The following BFSP2 variants were observed in gnomAD, a reference collection of about 807,000 sequenced individuals.
BFSP2 encodes the protein beaded filament structural protein 2.
Under a neutral mutation model 44.9 loss-of-function variants are expected in BFSP2, and 38 were observed. The observed-to-expected ratio is 0.85, with a 90% confidence interval of 0.65 to 1.11. The LOEUF (loss-of-function observed/expected upper bound fraction) is 1.11. BFSP2 is among the 50% of genes least tolerant of loss of function. BFSP2 has a pLI of 0.00. For missense variants in BFSP2, 525 were observed against 533.0 expected, an observed-to-expected ratio of 0.99 and a Z score of 0.15; for synonymous variants, 197 against 209.9, an observed-to-expected ratio of 0.94 and a Z score of 0.53.
intron 4 of BFSP2, 46 bp downstream of exon 4, chr3:133,450,510 A>C (rs1205446853): frequency 1.6e-5 from 25 of 1,610,584 alleles, no homozygotes; most frequent in Non-Finnish European, 2.0e-5. Flanking sequence ...ATGCAGAAGG[A>C]GGCCACGCTG....
chr3:133,448,822 C>A, intron 3 of BFSP2, 177 bp downstream of exon 3: 1 of 800,400 alleles, frequency 1.2e-6, no homozygotes, highest in Non-Finnish European at 2.0e-6. Flanking sequence ...TCAGGTTACC[C>A]CAGCAGTCTC....
intron 4 of BFSP2, among the ~76,000 whole-genome samples, chr3:133,452,107 G>A (rs1044275232): frequency 2.5e-4 from 38 of 152,324 alleles, no homozygotes; most frequent in African/African-American, 8.7e-4. Flanking sequence ...GAGGGACTTT[G>A]TGATTTTTAA....
rs145203244 is a variant in BFSP2 at position 133,443,576 on chromosome 3, G to A, written c.490-3741G>A. On this transcript the variant is annotated intron_variant, in intron 1 of 6. Transcript: ENST00000302334. ...ATATGAGCACAGAGAAGCATCTGCCGGGCTTGGTAATACGGTGGCCTTGTT... is the reference window on the plus strand; with the variant it reads ...ATATGAGCACAGAGAAGCATCTGCCAGGCTTGGTAATACGGTGGCCTTGTT... Among the ~76,000 whole-genome samples the A allele has an allele frequency of 1.1e-3, 174 of 152,296 alleles. 1 individual carries two copies. Among genetic ancestry groups the A allele is most frequent in the African/African-American group, 3.9e-3 (164 of 41,558 alleles).
At chr3:133,415,355 C>G (rs2073511062) in intron 1 of BFSP2, among the ~76,000 whole-genome samples, 1 of 104,208 alleles carries the variant, frequency 9.6e-6, no homozygotes, top group Non-Finnish European at 2.0e-5. Context: ...CTCCCCTCTA[C>G]TCACCCCTCT....
At chr3:133,458,268 T>C (rs1259396125) in intron 4 of BFSP2, among the ~76,000 whole-genome samples, 2 of 152,260 alleles carry the variant, frequency 1.3e-5, no homozygotes, top group Non-Finnish European at 2.9e-5. Flanking sequence ...TATAGTAGCA[T>C]ATACCAGTTG....
chr3:133,442,842 G>T (rs2073858086), intron 1 of BFSP2, among the ~76,000 whole-genome samples: 1 of 151,414 alleles, frequency 6.6e-6, no homozygotes, highest in African/African-American at 2.4e-5. Flanking sequence ...GAAGATTTGT[G>T]GGGAAATTAT....
At chr3:133,450,027 A>AGGG (rs10689448) in intron 3 of BFSP2, among the ~76,000 whole-genome samples, 2 of 67,722 alleles carry the variant, frequency 3.0e-5, no homozygotes, top group African/African-American at 6.1e-5. Flanking sequence ...GGAGGGAGGG[A>AGGG]GGGGGAGGGA....
intron 1 of BFSP2, among the ~76,000 whole-genome samples, chr3:133,423,485 C>T (rs1340276735): frequency 6.7e-6 from 1 of 149,260 alleles, no homozygotes; most frequent in African/African-American, 2.5e-5. Context: ...ACCGCATGGA[C>T]TACACAGCCC....
Position 133,471,286 on chromosome 3 carries a change from C to T in BFSP2, c.1024-1059C>T, listed in dbSNP as rs570223852. On this transcript the variant is annotated intron_variant, in intron 5 of 6. Transcript: ENST00000302334. ...GGTACCACAGGTGAGAGGTGACAAG[C>T]TCCCAATCCCAGACCATGGTGGCTG... 4.6e-5 allele frequency among the ~76,000 whole-genome samples: 7 copies of T among 152,276 alleles called. No homozygotes were observed. The South Asian group carries it at 1.4e-3, about 32-fold the overall frequency.
chr3:133,428,694 G>A (rs887341563), intron 1 of BFSP2, among the ~76,000 whole-genome samples: 2 of 152,186 alleles, frequency 1.3e-5, no homozygotes, highest in Non-Finnish European at 2.9e-5. Flanking sequence ...GGCCACCTTC[G>A]GGTAAACACG....
At chr3:133,474,446 C>A (rs1195162523) in intron 6 of BFSP2, among the ~76,000 whole-genome samples, 2 of 152,358 alleles carry the variant, frequency 1.3e-5, no homozygotes, top group South Asian at 2.1e-4. Context: ...AAGGAAGCGA[C>A]CTAACCACGC....
At chr3:133,436,776 C>T (rs1230745539) in intron 1 of BFSP2, among the ~76,000 whole-genome samples, 1 of 152,152 alleles carries the variant, frequency 6.6e-6, no homozygotes, top group Non-Finnish European at 1.5e-5. Context: ...CCACTACAGG[C>T]CCTGGTGTGT....
chr3:133,450,069 AAAGG>A lies in BFSP2; in HGVS notation c.730-217_730-214del, dbSNP rs202059180. On this transcript the variant is annotated intron_variant, in intron 3 of 6. Coordinates refer to ENST00000302334, the MANE Select transcript of BFSP2 (RefSeq NM_003571.4). ...GAGGAAGAAAGAAAGAGAGAGAAGG[AAAGG>A]AAGGAAGGAAGGAAGGGAGGGAGAG... 3.6e-3 allele frequency among the ~76,000 whole-genome samples: 537 copies of A among 147,812 alleles called. 3 individuals are homozygous for A. Among genetic ancestry groups the A allele is most frequent in the South Asian group, 0.013 (57 of 4,522 alleles).
intron 4 of BFSP2, among the ~76,000 whole-genome samples, chr3:133,458,315 AG>A (rs886322129): frequency 1.3e-5 from 2 of 152,260 alleles, no homozygotes; most frequent in Admixed American, 1.3e-4. Flanking sequence ...ATCAAGAATC[AG>A]AGCAGATTTT....
intron 1 of BFSP2, among the ~76,000 whole-genome samples, chr3:133,439,523 C>T (rs1432312103): frequency 6.6e-6 from 1 of 152,142 alleles, no homozygotes. Flanking sequence ...GATTGATATA[C>T]CACAGTGAGT....
intron 1 of BFSP2, among the ~76,000 whole-genome samples, chr3:133,444,787 GCCA>G (rs2073881525): frequency 6.6e-6 from 1 of 151,724 alleles, no homozygotes. Flanking sequence ...GTTCGTCCAG[GCCA>G]CCATCATTAA....
At chr3:133,431,310 T>C (rs996629414) in intron 1 of BFSP2, among the ~76,000 whole-genome samples, 11 of 152,010 alleles carry the variant, frequency 7.2e-5, no homozygotes, top group South Asian at 6.2e-4. Flanking sequence ...CTGAGACAAA[T>C]CCCAGCCACA....
chr3:133,457,555 T>C (rs192864126), intron 4 of BFSP2, among the ~76,000 whole-genome samples: 11 of 152,304 alleles, frequency 7.2e-5, no homozygotes, highest in African/African-American at 2.6e-4. Flanking sequence ...GAAATATATA[T>C]ATTTTTTTTC....
intron 1 of BFSP2, among the ~76,000 whole-genome samples, chr3:133,436,405 T>A (rs2073782286): frequency 6.6e-6 from 1 of 152,062 alleles, no homozygotes; most frequent in Non-Finnish European, 1.5e-5. Flanking sequence ...GAAGGTTCCT[T>A]GTCTATATGA....
Sources: allele counts gnomAD v4.1 joint callset (sites outside exome capture counted in the v4.1 genomes callset), GRCh38; gene constraint gnomAD v4.1.1; transcripts MANE v1.5; gene names NCBI Gene and HGNC (gene_info 2026-07-23, HGNC 2026-07-21).